ATPAF1: variants seen among roughly 807,000 people sequenced by gnomAD.
The protein encoded by ATPAF1 is homolog of yeast ATP11.
A neutral mutation model predicts 43.9 loss-of-function variants in ATPAF1; 26 were observed. The ratio of observed to expected loss-of-function variants is 0.59; its 90% CI spans 0.43 to 0.82. The LOEUF (loss-of-function observed/expected upper bound fraction) is 0.82. Ranked by LOEUF, ATPAF1 falls within the 40% of genes least tolerant of loss-of-function variation. The pLI is 0.00. For missense variants in ATPAF1, 366 were observed against 435.0 expected (o/e 0.84, Z 1.41); for synonymous variants, 157 against 168.0 (o/e 0.93, Z 0.50).
intron 3 of ATPAF1, 47 bp downstream of exon 3, chr1:46,658,640 C>G (rs1476746266): frequency 6.9e-7 from 1 of 1,449,094 alleles, no homozygotes; most frequent in Non-Finnish European, 9.5e-7. Context: ...TTCTAGATGT[C>G]CCATATGACT....
intron 6 of ATPAF1, among the ~76,000 whole-genome samples, chr1:46,650,810 T>TA (rs762613823): frequency 0.022 from 2,650 of 122,052 alleles, 69 homozygotes; most frequent in African/African-American, 0.061. Flanking sequence ...TGTTGGAAGC[T>TA]AAAAAAAAAA....
intron 2 of ATPAF1, among the ~76,000 whole-genome samples, chr1:46,661,633 C>T (rs1676388927): frequency 6.6e-6 from 1 of 151,960 alleles, no homozygotes; most frequent in African/African-American, 2.4e-5. Context: ...TTTTTACATA[C>T]CTATTGTTTT....
intron 2 of ATPAF1, among the ~76,000 whole-genome samples, chr1:46,659,396 GCT>G (rs1336832695): frequency 2.0e-5 from 3 of 152,068 alleles, no homozygotes; most frequent in Non-Finnish European, 4.4e-5. Context: ...GGATTACTGT[GCT>G]CTGTCCTGAC....
chr1:46,660,394 G>A (rs990894226), intron 2 of ATPAF1, among the ~76,000 whole-genome samples: 3 of 152,062 alleles, frequency 2.0e-5, no homozygotes, highest in Non-Finnish European at 4.4e-5. Flanking sequence ...CTCATGTATC[G>A]GTTTTTACAC....
intron 8 of ATPAF1, among the ~76,000 whole-genome samples, chr1:46,636,996 A>G (rs1232291271): frequency 6.6e-6 from 1 of 152,224 alleles, no homozygotes; most frequent in East Asian, 1.9e-4. Flanking sequence ...ACATCTTGAC[A>G]GCAACCTTGT....
intron 3 of ATPAF1, 54 bp from the exon 4 acceptor site, chr1:46,658,243 A>G: frequency 2.6e-6 from 3 of 1,138,704 alleles, no homozygotes; most frequent in South Asian, 1.4e-5. Flanking sequence ...AAAAAAAAAC[A>G]GCTTAACTCT....
At chr1:46,644,565 G>GTT (rs112696094) in intron 7 of ATPAF1, among the ~76,000 whole-genome samples, 1 of 151,912 alleles carries the variant, frequency 6.6e-6, no homozygotes, top group African/African-American at 2.4e-5. Flanking sequence ...ATTCGTGCTT[G>GTT]TTTTTTGCCA....
chr1:46,643,474 A>G (rs1487077054), intron 7 of ATPAF1, among the ~76,000 whole-genome samples, 173 bp from the exon 8 acceptor site: 1 of 152,254 alleles, frequency 6.6e-6, no homozygotes, highest in African/African-American at 2.4e-5. Flanking sequence ...GCACAGTGAA[A>G]CTGACAGTTT....
Position 46,665,605 on chromosome 1 carries a change from G to A in ATPAF1, c.267-241C>T, listed in dbSNP as rs748003950. The A allele has an allele frequency of 1.5e-4, 216 of 1,457,076 alleles. No individual in the cohort carries two copies. The African/African-American group carries it at 2.6e-3, about 17-fold the overall frequency. The allele number at this position is 1,457,076 out of a possible 1,614,324, so 90.3% of individuals were successfully genotyped here. A position where few individuals can be genotyped will look rare whatever the true frequency, so the allele number is the denominator to read the frequency against. ...GTGTAACATTTTTCTTTTGCAGGCT[G>A]TTCCCTAGGTTTACACAGGGCTTAG... On this transcript the variant is annotated intron_variant, in intron 1 of 8. Transcript: ENST00000574428.
At chr1:46,666,559 G>A (rs1676494676) in intron 1 of ATPAF1, among the ~76,000 whole-genome samples, 1 of 152,214 alleles carries the variant, frequency 6.6e-6, no homozygotes, top group South Asian at 2.1e-4. Context: ...ACAAATGAAA[G>A]TACAACAGGT....
chr1:46,650,705 G>T (rs902115863), intron 6 of ATPAF1, among the ~76,000 whole-genome samples: 1 of 151,860 alleles, frequency 6.6e-6, no homozygotes, highest in African/African-American at 2.4e-5. Context: ...AAAAGAACAA[G>T]TTCTGTCATT....
chr1:46,668,153 T>C lies in ATPAF1; in HGVS notation c.170A>G (p.Glu57Gly), dbSNP rs1676525756. 4.5e-6 allele frequency: 6 copies of C among 1,327,526 alleles called. No homozygotes were observed. Among genetic ancestry groups the C allele is most frequent in the Admixed American group, 3.4e-5 (1 of 29,186 alleles). 82.2% of individuals were successfully genotyped at this position (1,327,526 alleles called of 1,614,324 possible). ...GACCCCGCTGCTGTCGGCGCCCCCC[T>C]CGGGCCGGCCCGAGCCGGGGCGCAC... is the stretch of plus-strand genomic sequence containing the variant. The change falls in exon 1 of 9, where the codon GAG becomes GGG. Residue 57 changes from glutamate to glycine, a missense_variant. Physicochemically the swap from Glu to Gly is moderately conservative, Grantham distance 98. Transcript: ENST00000574428. This position sits in a 1 kb window ranked among gnomAD's most constrained non-coding sequence, Gnocchi z 4.4.
intron 3 of ATPAF1, 100 bp from the exon 4 acceptor site, chr1:46,658,289 A>G: frequency 2.1e-6 from 2 of 959,314 alleles, no homozygotes; most frequent in Non-Finnish European, 3.2e-6. Flanking sequence ...CAGGACAATG[A>G]AACAGATTTC....
upstream of ATPAF1, chr1:46,668,493 G>T: frequency 2.8e-6 from 2 of 702,752 alleles, no homozygotes; most frequent in Non-Finnish European, 3.6e-6. The surrounding 1 kb of genome is among the most constrained non-coding windows in gnomAD (Gnocchi z 4.4). Flanking sequence ...AGGAGGGGGC[G>T]CGCCGCTCTG....
chr1:46,636,424 C>G (rs184723297), intron 8 of ATPAF1, among the ~76,000 whole-genome samples: 1 of 152,270 alleles, frequency 6.6e-6, no homozygotes, highest in African/African-American at 2.4e-5. Context: ...TGAGTGAGAA[C>G]TAAGTTCTTG....
chr1:46,645,421 G>A (rs1045484661), intron 6 of ATPAF1, among the ~76,000 whole-genome samples, 165 bp from the exon 7 acceptor site: 3 of 152,050 alleles, frequency 2.0e-5, no homozygotes, highest in African/African-American at 7.3e-5. Flanking sequence ...TGCAGTGCAG[G>A]CATGATCACA....
intron 6 of ATPAF1, among the ~76,000 whole-genome samples, chr1:46,652,205 C>CAAAAAAAAAAAAAAAA (rs10718568): frequency 9.1e-6 from 1 of 109,792 alleles, no homozygotes; most frequent in Non-Finnish European, 2.1e-5. Context: ...ATAATAAAAG[C>CAAAAAAAAAAAAAAAA]AAAAAAAAAA....
intron 4 of ATPAF1, among the ~76,000 whole-genome samples, chr1:46,654,528 TTTA>T (rs57700546): frequency 0.02 from 2,675 of 135,240 alleles, 28 homozygotes; most frequent in South Asian, 0.052. Context: ...TATTTATTTA[TTTA>T]TTATTATTAT....
chr1:46,639,277 C>T (rs1316202665), intron 8 of ATPAF1, among the ~76,000 whole-genome samples: 1 of 151,922 alleles, frequency 6.6e-6, no homozygotes, highest in South Asian at 2.1e-4. Context: ...CTTTACAATA[C>T]TCCAAGTCAT....
Sources: gnomAD v4.1 joint callset for allele counts (sites outside exome capture counted in the v4.1 genomes callset) on GRCh38, gnomAD v4.1.1 for gene constraint, Gnocchi (gnomAD v3.1) non-coding constraint, MANE v1.5 for transcripts, NCBI Gene and HGNC (gene_info 2026-07-23, HGNC 2026-07-21) for gene names.